Variants in PRKAG2 observed in about 807,000 individuals in gnomAD.
PRKAG2 encodes protein kinase AMP-activated non-catalytic subunit gamma 2, also known as 5'-AMP-activated protein kinase subunit gamma-2.
Under a neutral mutation model 69.6 loss-of-function variants are expected in PRKAG2, and 26 were observed. The observed-to-expected ratio is 0.37, with a 90% confidence interval of 0.27 to 0.52. The LOEUF is 0.52. Ranked by LOEUF, PRKAG2 falls within the 20% of genes least tolerant of loss-of-function variation. The probability of loss-of-function intolerance (pLI) is 0.90; values close to 1 mark genes in which losing one functional copy is unlikely to be tolerated. For synonymous variants in PRKAG2, 293 were observed against 285.0 expected (o/e 1.03, Z -0.28); for missense variants, 557 against 740.0 (o/e 0.75, Z 2.87).
At chr7:151,568,971 T>A in intron 10 of PRKAG2, 129 bp from the exon 11 acceptor site, 1 of 1,107,600 alleles carries the variant, frequency 9.0e-7, no homozygotes, top group Non-Finnish European at 1.3e-6. Flanking sequence ...GGAAGAGTTT[T>A]AAATTAGAGA....
chr7:151,675,333 C>T (rs770349190), intron 4 of PRKAG2, 87 bp downstream of exon 4: 14 of 1,320,518 alleles, frequency 1.1e-5, no homozygotes, highest in Non-Finnish European at 1.5e-5. Flanking sequence ...GCCTCGGCTG[C>T]AGATAGACTG....
At chr7:151,603,931 A>G (rs1816848437) in intron 5 of PRKAG2, among the ~76,000 whole-genome samples, 2 of 150,802 alleles carry the variant, frequency 1.3e-5, no homozygotes, top group Admixed American at 6.6e-5. Context: ...GTGTAGACTC[A>G]TGGATATTTA....
chr7:151,852,861 C>G (rs971587178), intron 1 of PRKAG2, among the ~76,000 whole-genome samples: 1 of 152,240 alleles, frequency 6.6e-6, no homozygotes, highest in African/African-American at 2.4e-5. Context: ...TCCTATCTCA[C>G]AGCCTGCACG....
chr7:151,673,923 A>T (rs1441638051), intron 4 of PRKAG2, among the ~76,000 whole-genome samples: 3 of 146,996 alleles, frequency 2.0e-5, no homozygotes, highest in Middle Eastern at 3.3e-3. Flanking sequence ...GCTCACTGCA[A>T]CCTCTGCCTC....
At position 151,719,879 on chromosome 7, in the gene PRKAG2, G is replaced by C. The variant is rs1329617311; in HGVS notation, c.467-44242C>G. ...CCCCTGTGCCTACTGAGGTAGTTCT[G>C]TTATTTCACTGAGGCCGCCACATTC... On this transcript the variant is annotated intron_variant, in intron 3 of 15. Coordinates refer to ENST00000287878, the MANE Select transcript of PRKAG2 (RefSeq NM_016203.4). This position sits in a 1 kb window ranked among gnomAD's most constrained non-coding sequence, Gnocchi z 5.2. 6.6e-6 allele frequency among the ~76,000 whole-genome samples: 1 copy of C among 152,164 alleles called. No homozygotes were observed. Among genetic ancestry groups the C allele is most frequent in the Non-Finnish European group, 1.5e-5 (1 of 68,042 alleles).
At chr7:151,688,377 A>G (rs1218490703) in intron 3 of PRKAG2, among the ~76,000 whole-genome samples, 1 of 152,216 alleles carries the variant, frequency 6.6e-6, no homozygotes, top group Non-Finnish European at 1.5e-5. Flanking sequence ...GTTCATGCCA[A>G]TTGTCTGGCA....
chr7:151,558,273 AG>A (rs1804204362), intron 15 of PRKAG2: 1 of 985,368 alleles, frequency 1.0e-6, no homozygotes, highest in South Asian at 4.7e-5. Flanking sequence ...AATCACCACT[AG>A]TACCTTCTAA....
intron 5 of PRKAG2, among the ~76,000 whole-genome samples, chr7:151,600,365 C>T (rs968994090): frequency 6.6e-6 from 1 of 152,234 alleles, no homozygotes; most frequent in Admixed American, 6.5e-5. Flanking sequence ...ACAAGTGATA[C>T]TAACCAAGCT....
chr7:151,619,023 G>A (rs1190402484), intron 5 of PRKAG2, among the ~76,000 whole-genome samples: 2 of 152,156 alleles, frequency 1.3e-5, no homozygotes, highest in African/African-American at 4.8e-5. Context: ...TAGGAAAGAA[G>A]AAAAAGCACA....
In PRKAG2 at chr7:151,788,694, GTGT is replaced by G. The variant is rs1378496843; in HGVS notation, c.115-2156_115-2154del. ...TTGCCTTTTGTTGCCTGTGCTTTTG[GTGT>G]TGTATTCAAGAAATCACTGCCAAAT... is the stretch of plus-strand genomic sequence containing the variant. On this transcript the variant is annotated intron_variant, in intron 1 of 15. Coordinates refer to ENST00000287878, the MANE Select transcript of PRKAG2 (RefSeq NM_016203.4). This position sits in a 1 kb window ranked among gnomAD's most constrained non-coding sequence, Gnocchi z 4.6. Among the ~76,000 whole-genome samples the G allele has an allele frequency of 6.6e-6, 1 of 152,166 alleles. No individual in the cohort carries two copies. Among genetic ancestry groups the G allele is most frequent in the Admixed American group, 6.5e-5 (1 of 15,278 alleles).
At chr7:151,821,420 G>A (rs889873127) in intron 1 of PRKAG2, among the ~76,000 whole-genome samples, 5 of 152,180 alleles carry the variant, frequency 3.3e-5, no homozygotes, top group South Asian at 2.1e-4. Context: ...CCAACAGGCT[G>A]TAGCACAAGC....
intron 1 of PRKAG2, among the ~76,000 whole-genome samples, chr7:151,799,999 C>A (rs954549287): frequency 6.6e-6 from 1 of 152,134 alleles, no homozygotes; most frequent in Non-Finnish European, 1.5e-5. Flanking sequence ...ATAAATTGAA[C>A]CTCTACCCCC....
At chr7:151,658,036 T>G (rs148637451) in intron 4 of PRKAG2, among the ~76,000 whole-genome samples, 2 of 151,736 alleles carry the variant, frequency 1.3e-5, no homozygotes, top group African/African-American at 4.8e-5. Context: ...CGCACGCATG[T>G]AGTCCCACCT....
intron 1 of PRKAG2, among the ~76,000 whole-genome samples, chr7:151,871,923 A>C (rs1040946655): frequency 2.0e-5 from 3 of 152,172 alleles, no homozygotes; most frequent in African/African-American, 7.2e-5. Flanking sequence ...GGGTCCGAGG[A>C]GGCCACCAAA....
At chr7:151,783,783 T>C (rs1369369230) in intron 2 of PRKAG2, among the ~76,000 whole-genome samples, 1 of 151,456 alleles carries the variant, frequency 6.6e-6, no homozygotes, top group Non-Finnish European at 1.5e-5. Flanking sequence ...TGGTGGCCTG[T>C]AGTCCCAGCT....
chr7:151,855,072 ACACCATCCT>A (rs2079687412), intron 1 of PRKAG2, among the ~76,000 whole-genome samples: 4 of 51,276 alleles, frequency 7.8e-5, no homozygotes, highest in African/African-American at 1.9e-4. Flanking sequence ...TCCTCCACAC[ACACCATCCT>A]CCACACACAC....
rs923956148 is a variant in PRKAG2 at position 151,679,343 on chromosome 7, A to G, written c.467-3706T>C. ...CTTAGACCCCAGAGTCATATCCTTCAGTGGTTCCTGCAGCAACAAAGTCTC... is the reference window on the plus strand; with the variant it reads ...CTTAGACCCCAGAGTCATATCCTTCGGTGGTTCCTGCAGCAACAAAGTCTC... On this transcript the variant is annotated intron_variant, in intron 3 of 15. Transcript: ENST00000287878. Among the ~76,000 whole-genome samples the G allele has an allele frequency of 2.0e-5, 3 of 152,102 alleles. No homozygotes were observed. In the South Asian group the frequency reaches 6.2e-4, roughly 32 times the overall value.
chr7:151,575,974 A>C (rs1157267055), intron 7 of PRKAG2, among the ~76,000 whole-genome samples: 1 of 150,116 alleles, frequency 6.7e-6, no homozygotes, highest in Admixed American at 6.7e-5. Context: ...CCCAGTATGT[A>C]AAAGCAAGGA....
chr7:151,575,104 G>A (rs1388791277), intron 7 of PRKAG2, among the ~76,000 whole-genome samples, 155 bp from the exon 8 acceptor site: 1 of 152,154 alleles, frequency 6.6e-6, no homozygotes, highest in Non-Finnish European at 1.5e-5. Flanking sequence ...AACTATTGAT[G>A]TGTTAATTGT....
Sources: allele counts gnomAD v4.1 joint callset (sites outside exome capture counted in the v4.1 genomes callset), GRCh38; gene constraint gnomAD v4.1.1; non-coding constraint Gnocchi (gnomAD v3.1); transcripts MANE v1.5; gene names NCBI Gene and HGNC (gene_info 2026-07-23, HGNC 2026-07-21).